Variants in SSC5D observed in about 807,000 individuals in gnomAD.
The protein encoded by SSC5D is soluble scavenger receptor cysteine-rich domain-containing protein SSC5D.
A neutral mutation model predicts 104.6 loss-of-function variants in SSC5D; 106 were observed. That is an observed-to-expected ratio of 1.01 (90% confidence interval 0.87 to 1.19). The LOEUF (loss-of-function observed/expected upper bound fraction) is 1.19. Ranked by LOEUF, SSC5D falls within the 50% of genes most tolerant of loss-of-function variation. The probability of loss-of-function intolerance (pLI) is 0.00; values close to 1 mark genes in which losing one functional copy is unlikely to be tolerated. For synonymous variants in SSC5D, 860 were observed against 883.5 expected (o/e 0.97, Z 0.47); for missense variants, 1,993 against 2,153.8 (o/e 0.93, Z 1.48).
intron 12 of SSC5D, among the ~76,000 whole-genome samples, chr19:55,508,523 G>A (rs1231180465): frequency 6.6e-6 from 1 of 152,156 alleles, no homozygotes; most frequent in Non-Finnish European, 1.5e-5. Context: ...GGTAGGGAGA[G>A]GTCAGGATTG....
Position 55,517,255 on chromosome 19 carries a change from G to A in SSC5D, c.2979G>A (p.Arg993=), listed in dbSNP as rs962679429. ...CGAGGAAACCGTGGCCCGAGCGCCG[G>A]CCACCGCGGCCCGCTGCGACCAGGA... ...GSPRKPWPER[R]PPRPAATRTA... The change falls in exon 14 of 14, where the codon CGG becomes CGA. Residue 993 remains arginine (R), a synonymous_variant. Coordinates refer to ENST00000389623, the MANE Select transcript of SSC5D (RefSeq NM_001144950.2). 3.9e-6 allele frequency: 6 copies of A among 1,542,748 alleles called. No homozygotes were observed. Among genetic ancestry groups the A allele is most frequent in the Non-Finnish European group, 5.2e-6 (6 of 1,146,180 alleles).
In SSC5D at chr19:55,500,883, A is replaced by G. The variant is rs1658644062; in HGVS notation, c.2617+79A>G. The G allele has an allele frequency of 1.3e-6, 2 of 1,498,478 alleles. No individual in the cohort carries two copies. The highest frequency in any genetic ancestry group is 2.8e-5 in the African/African-American group (2 of 71,498). The allele number at this position is 1,498,478 out of a possible 1,614,324, so 92.8% of individuals were successfully genotyped here. On this transcript the variant is annotated intron_variant, in intron 11 of 13. Coordinates refer to ENST00000389623, the MANE Select transcript of SSC5D (RefSeq NM_001144950.2). This position sits in a 1 kb window ranked among gnomAD's most constrained non-coding sequence, Gnocchi z 4.6. ...AGTCAGGGTGGGGCCAGGTGACGGC[A>G]CCATGGTCGACTCTAAAGAACTGGG...
At chr19:55,492,006 G>C (rs1987160619) in intron 6 of SSC5D, 1 of 152,844 alleles carries the variant, frequency 6.5e-6, no homozygotes, top group Admixed American at 6.5e-5. Flanking sequence ...GCTGACATCA[G>C]TGGGTATCCA....
chr19:55,518,556 C>A lies in SSC5D; in HGVS notation c.4280C>A (p.Thr1427Asn), dbSNP rs1175404543. The A allele has an allele frequency of 1.3e-6, 2 of 1,548,720 alleles. No homozygotes were observed. Among genetic ancestry groups the A allele is most frequent in the Non-Finnish European group, 1.7e-6 (2 of 1,145,568 alleles). The change falls in exon 14 of 14, where the codon ACC (threonine) becomes AAC (asparagine). Residue 1427 changes from threonine to asparagine, a missense_variant. Physicochemically the swap from Thr to Asn is moderately conservative, Grantham distance 65. This residue lies in a region of SSC5D where 349 missense variants were observed against 397.6 expected (regional missense o/e 0.88). Coordinates refer to ENST00000389623, the MANE Select transcript of SSC5D (RefSeq NM_001144950.2). Reference sequence around the variant, plus strand: ...AACCTAACCCCTCCACCCACCCATACCCCACACTCAGCCTCTGACCTTACT... The same window carrying A: ...AACCTAACCCCTCCACCCACCCATAACCCACACTCAGCCTCTGACCTTACT... ...SPNLTPPPTH[T>N]PHSASDLTVS...
intron 13 of SSC5D, among the ~76,000 whole-genome samples, chr19:55,515,455 C>T (rs12975192): frequency 6.0e-5 from 9 of 149,006 alleles, no homozygotes; most frequent in African/African-American, 1.5e-4. Context: ...AAACATTTGC[C>T]GGGCGCAGTG....
intron 6 of SSC5D, among the ~76,000 whole-genome samples, 180 bp from the exon 7 acceptor site, chr19:55,493,415 G>A (rs73932669): frequency 0.059 from 9,013 of 152,256 alleles, 954 homozygotes; most frequent in African/African-American, 0.21. Flanking sequence ...TGGGGGATGC[G>A]CCAGAGTTGG....
chr19:55,497,930 C>T lies in SSC5D; in HGVS notation c.1438C>T (p.Leu480=). Residue 480 remains leucine, a synonymous_variant, in exon 9 of 14, where the codon CTG becomes TTG. Coordinates refer to ENST00000389623, the MANE Select transcript of SSC5D (RefSeq NM_001144950.2). ...VAGPSKCSGR[L]EVWHDQRWGT... ...TGGGCCCAGCAAGTGCTCAGGTCGACTGGAGGTGTGGCATGACCAGCGCTG... is the reference window on the plus strand; with the variant it reads ...TGGGCCCAGCAAGTGCTCAGGTCGATTGGAGGTGTGGCATGACCAGCGCTG... 1.3e-6 allele frequency: 2 copies of T among 1,551,008 alleles called. No homozygotes were observed. Among genetic ancestry groups the T allele is most frequent in the Admixed American group, 2.0e-5 (1 of 50,980 alleles).
Position 55,503,551 on chromosome 19 carries a change from G to A in SSC5D, c.2785+2350G>A, listed in dbSNP as rs1987564980. On this transcript the variant is annotated intron_variant, in intron 12 of 13. Coordinates refer to ENST00000389623, the MANE Select transcript of SSC5D (RefSeq NM_001144950.2). The surrounding 1 kb of genome is among the most constrained non-coding windows in gnomAD (Gnocchi z 4.0). ...CTGTCTCCCGCGGGCTCCTCTGTCC[G>A]TTTCTCACCGTCCCCGCCGCCCTCG... 6.6e-6 allele frequency among the ~76,000 whole-genome samples: 1 copy of A among 151,860 alleles called. No homozygotes were observed. The highest frequency in any genetic ancestry group is 2.4e-5 in the African/African-American group (1 of 41,338).
chr19:55,512,633 C>T (rs554702839), intron 12 of SSC5D, among the ~76,000 whole-genome samples: 2 of 152,146 alleles, frequency 1.3e-5, no homozygotes, highest in East Asian at 3.9e-4. Flanking sequence ...AGGCGTGTGC[C>T]ACCATACCCA....
intron 12 of SSC5D, among the ~76,000 whole-genome samples, chr19:55,507,665 CAAAAAAAAAAAA>C (rs61340967): frequency 4.0e-5 from 3 of 75,948 alleles, no homozygotes; most frequent in Non-Finnish European, 6.7e-5. Context: ...GACTCCGTCT[CAAAAAAAAAAAA>C]AAAAAAAAAA....
In SSC5D at chr19:55,489,361, G is replaced by A. The variant is rs754781025; in HGVS notation, c.60G>A (p.Leu20=). ...ALVGIQAVER[L]RLADGPHGCA... ...CATTCCTCCAACCCTCAGAGCGCCTGCGCCTGGCCGATGGCCCCCATGGGT... is the reference window on the plus strand; with the variant it reads ...CATTCCTCCAACCCTCAGAGCGCCTACGCCTGGCCGATGGCCCCCATGGGT... The change falls in exon 3 of 14, where the codon CTG becomes CTA. Residue 20 remains leucine, a synonymous_variant. Coordinates refer to ENST00000389623, the MANE Select transcript of SSC5D (RefSeq NM_001144950.2). 5 of 1,456,558 alleles carry A rather than the reference G, an allele frequency of 3.4e-6. No individual in the cohort carries two copies. Among genetic ancestry groups the A allele is most frequent in the Non-Finnish European group, 4.5e-6 (5 of 1,113,564 alleles). 90.2% of individuals were successfully genotyped at this position (1,456,558 alleles called of 1,614,324 possible).
intron 12 of SSC5D, among the ~76,000 whole-genome samples, chr19:55,504,724 G>C (rs10402335): frequency 0.12 from 18,035 of 152,014 alleles, 1,191 homozygotes; most frequent in African/African-American, 0.16. Flanking sequence ...TGGTCTCAAA[G>C]CCGACCTCGT....
intron 12 of SSC5D, among the ~76,000 whole-genome samples, chr19:55,510,461 G>C (rs1987731648): frequency 6.6e-6 from 1 of 152,174 alleles, no homozygotes; most frequent in African/African-American, 2.4e-5. Context: ...TGATTTTCCT[G>C]CCTCAGCTTC....
rs1483176834 is a variant in SSC5D, at chr19:55,489,713, C to G, written c.361+51C>G. On this transcript the variant is annotated intron_variant, in intron 3 of 13. Transcript: ENST00000389623. ...AGGGGGAGCTCCTTTGGAGATGACC[C>G]AGGAACCCCAAGTCCTTAGCCCCAG... is the stretch of plus-strand genomic sequence containing the variant. 5 of 1,514,782 alleles carry G rather than the reference C, an allele frequency of 3.3e-6. No homozygotes were observed. The African/African-American group carries it at 6.9e-5, about 21-fold the overall frequency. 93.8% of individuals were successfully genotyped at this position (1,514,782 alleles called of 1,614,324 possible). A position where few individuals can be genotyped will look rare whatever the true frequency, so the allele number is the denominator to read the frequency against.
chr19:55,515,415 A>AAAAAAAG (rs1555767622), intron 13 of SSC5D, among the ~76,000 whole-genome samples: 6 of 143,820 alleles, frequency 4.2e-5, no homozygotes, highest in African/African-American at 1.1e-4. Flanking sequence ...AAAAAAAAAA[A>AAAAAAAG]AAGTTAAATG....
Position 55,517,497 on chromosome 19 carries a change from CT to C in SSC5D, c.3222del (p.Asp1075ThrfsTer8), listed in dbSNP as rs1987899991. ...AGCCCTGACTTTGCTTTGTCCACCC[CT>C]GACTCCAGTGTGGTTCCCGCGTTGA... ...LTSPDFALST[P>X]DSSVVPALTP... On this transcript the variant is annotated frameshift_variant, in exon 14 of 14. Transcript: ENST00000389623. LOFTEE classifies it low-confidence loss of function (END_TRUNC). 3.9e-6 allele frequency: 6 copies of C among 1,551,334 alleles called. No individual in the cohort carries two copies. Among genetic ancestry groups the C allele is most frequent in the Non-Finnish European group, 5.2e-6 (6 of 1,147,016 alleles).
chr19:55,499,010 G>A (rs2123441306), intron 9 of SSC5D, among the ~76,000 whole-genome samples: 1 of 152,290 alleles, frequency 6.6e-6, no homozygotes, highest in South Asian at 2.1e-4. Context: ...GCAACGAAGT[G>A]GGACAACACA....
At chr19:55,514,457 T>TAATAATAGTC (rs1555767535) in intron 13 of SSC5D, among the ~76,000 whole-genome samples, 2 of 132,552 alleles carry the variant, frequency 1.5e-5, no homozygotes, top group South Asian at 2.5e-4. Flanking sequence ...ATAATAATAA[T>TAATAATAGTC]AGGTGTGGTG....
At position 55,489,418 on chromosome 19, in the gene SSC5D, G is replaced by T; in HGVS notation, c.117G>T (p.Gly39=). Residue 39 remains glycine (G), a synonymous_variant, in exon 3 of 14, where the codon GGG becomes GGT. Coordinates refer to ENST00000389623, the MANE Select transcript of SSC5D (RefSeq NM_001144950.2). Reference sequence around the variant, plus strand: ...GCCGCCTGGAGGTCTGGCATGGCGGGCGCTGGGGCACCGTGTGTGATGACG... The same window carrying T: ...GCCGCCTGGAGGTCTGGCATGGCGGTCGCTGGGGCACCGTGTGTGATGACG... ...CAGRLEVWHG[G]RWGTVCDDGW... 6.7e-7 allele frequency: 1 copy of T among 1,491,080 alleles called. No homozygotes were observed. The highest frequency in any genetic ancestry group is 8.9e-7 in the Non-Finnish European group (1 of 1,127,370). 92.4% of individuals were successfully genotyped at this position (1,491,080 alleles called of 1,614,324 possible).
Sources: gnomAD v4.1 joint callset for allele counts (sites outside exome capture counted in the v4.1 genomes callset) on GRCh38, gnomAD v4.1.1 for gene constraint, gnomAD v4.1.1 regional missense constraint, Gnocchi (gnomAD v3.1) non-coding constraint, MANE v1.5 for transcripts, NCBI Gene and HGNC (gene_info 2026-07-23, HGNC 2026-07-21) for gene names.